The following NDUFA5 variants were observed in gnomAD, a reference collection of about 807,000 sequenced individuals.
NDUFA5 encodes NADH dehydrogenase [ubiquinone] 1 alpha subcomplex subunit 5.
A neutral mutation model predicts 19.8 loss-of-function variants in NDUFA5; 11 were observed. The ratio of observed to expected loss-of-function variants is 0.56; its 90% CI spans 0.35 to 0.92. The LOEUF (loss-of-function observed/expected upper bound fraction) is 0.92, where lower values mean the gene tolerates loss of function less well. Ranked by LOEUF, NDUFA5 falls within the 40% of genes least tolerant of loss-of-function variation. The pLI is 0.01. For synonymous variants in NDUFA5, 47 were observed against 46.8 expected (o/e 1.00, Z -0.01); for missense variants, 109 against 134.2 (o/e 0.81, Z 0.93).
chr7:123,591,296 T>A, the NDUFA5 span, among the ~76,000 whole-genome samples: 1 of 152,208 alleles, frequency 6.6e-6, no homozygotes, highest in Non-Finnish European at 1.5e-5. Context: ...TATATTTCTT[T>A]ATCTTGCCTG....
intron 4 of NDUFA5, among the ~76,000 whole-genome samples, chr7:123,544,764 TAAAAAAAAAAAAAA>T (rs61556029): frequency 1.6e-5 from 1 of 61,820 alleles, no homozygotes; most frequent in Non-Finnish European, 3.0e-5. Flanking sequence ...ATGCAAATCT[TAAAAAAAAAAAAAA>T]AAAAAAAAAA....
At position 123,540,944 on chromosome 7, in the gene NDUFA5, A is replaced by ACACACATAC. The variant is rs1797925901; in HGVS notation, c.*1174_*1175insGTATGTGTG. 1 of 152,212 alleles carries ACACACATAC rather than the reference A, an allele frequency of 6.6e-6. No individual in the cohort carries two copies. Among genetic ancestry groups the ACACACATAC allele is most frequent in the Non-Finnish European group, 1.5e-5 (1 of 68,312 alleles). The allele number at this position is 152,212 out of a possible 1,614,324, so 9.4% of individuals were successfully genotyped here. ...CACACACACACACACACGTATACAC[A>ACACACATAC]AAACCCCACAAGAGTATAGTACTAT... On this transcript the variant is annotated 3_prime_UTR_variant, in exon 5 of 5. Coordinates refer to ENST00000355749, the MANE Select transcript of NDUFA5 (RefSeq NM_005000.5).
At chr7:123,595,794 C>T in the NDUFA5 span, among the ~76,000 whole-genome samples, 3 of 152,150 alleles carry the variant, frequency 2.0e-5, no homozygotes, top group East Asian at 5.8e-4. Flanking sequence ...ATTTCCCACC[C>T]AAAGCCCCCT....
At chr7:123,590,715 T>C in the NDUFA5 span, among the ~76,000 whole-genome samples, 1 of 152,204 alleles carries the variant, frequency 6.6e-6, no homozygotes, top group Non-Finnish European at 1.5e-5. Context: ...CATAGTATAG[T>C]TCGATGTCAG....
At chr7:123,577,039 C>T in the NDUFA5 span, among the ~76,000 whole-genome samples, 34 of 152,138 alleles carry the variant, frequency 2.2e-4, no homozygotes, top group Admixed American at 9.8e-4. Flanking sequence ...AAATTATTCT[C>T]TTATTGATAT....
At chr7:123,552,971 A>ATACTTTCTC (rs1388770685) in intron 2 of NDUFA5, among the ~76,000 whole-genome samples, 1 of 152,178 alleles carries the variant, frequency 6.6e-6, no homozygotes, top group East Asian at 1.9e-4. Context: ...ATGTATTTTC[A>ATACTTTCTC]TACTTTCTCT....
chr7:123,593,559 G>C, the NDUFA5 span, among the ~76,000 whole-genome samples: 1 of 152,118 alleles, frequency 6.6e-6, no homozygotes, highest in African/African-American at 2.4e-5. Flanking sequence ...TGAAATTCTG[G>C]GTTGAAAATT....
At chr7:123,591,424 T>C in the NDUFA5 span, among the ~76,000 whole-genome samples, 1 of 152,184 alleles carries the variant, frequency 6.6e-6, no homozygotes, top group Admixed American at 6.5e-5. Flanking sequence ...TAGTAACATA[T>C]TGGCTGTGGG....
In NDUFA5 at chr7:123,538,916, T is replaced by G. The variant is rs548906897; in HGVS notation, c.*3203A>C. 4 of 152,380 alleles carry G rather than the reference T, an allele frequency of 2.6e-5. No homozygotes were observed. The highest frequency in any genetic ancestry group is 3.9e-4 in the East Asian group (2 of 5,194). 9.4% of individuals were successfully genotyped at this position (152,380 alleles called of 1,614,324 possible). ...ATTGTCATCTCCCTTTTAAAAAAGA[T>G]ACATTCATAAACATTGTTATTGGCT... On this transcript the variant is annotated 3_prime_UTR_variant, in exon 5 of 5. Transcript: ENST00000355749.
chr7:123,557,812 C>A lies in NDUFA5; in HGVS notation c.-17G>T. 1 of 1,614,140 alleles carries A rather than the reference C, an allele frequency of 6.2e-7. No homozygotes were observed. Among genetic ancestry groups the A allele is most frequent in the Non-Finnish European group, 8.5e-7 (1 of 1,180,020 alleles). On this transcript the variant is annotated 5_prime_UTR_variant, in exon 1 of 5. Transcript: ENST00000355749. ...ACCCGCCATGACAGCGCCAACGACT[C>A]GGTGACGCACAACCCTTTGGGAACA...
intron 3 of NDUFA5, among the ~76,000 whole-genome samples, chr7:123,547,555 A>C (rs1393854228): frequency 6.6e-6 from 1 of 152,176 alleles, no homozygotes; most frequent in African/African-American, 2.4e-5. Flanking sequence ...TACATAAAAA[A>C]CAGCTGAAAG....
At chr7:123,601,447 C>T in the NDUFA5 span, among the ~76,000 whole-genome samples, 1 of 152,064 alleles carries the variant, frequency 6.6e-6, no homozygotes, top group Non-Finnish European at 1.5e-5. Context: ...TGACCTGAAT[C>T]TGAAAGATGG....
the NDUFA5 span, among the ~76,000 whole-genome samples, chr7:123,590,315 CTTTAG>C: frequency 2.0e-4 from 31 of 152,274 alleles, no homozygotes; most frequent in South Asian, 6.4e-3. Context: ...TGCAGAAGCT[CTTTAG>C]TTTAATTAGA....
the NDUFA5 span, among the ~76,000 whole-genome samples, chr7:123,569,866 A>C: frequency 1.3e-5 from 2 of 152,188 alleles, no homozygotes; most frequent in Non-Finnish European, 2.9e-5. Flanking sequence ...GCAGAAGGGA[A>C]TTTGAATGTG....
chr7:123,554,928 C>G (rs1798486504), intron 2 of NDUFA5: 1 of 152,246 alleles, frequency 6.6e-6, no homozygotes, highest in South Asian at 2.1e-4. Context: ...GCAATCCACC[C>G]GCCTCAGCCT....
At chr7:123,565,890 G>C in the NDUFA5 span, among the ~76,000 whole-genome samples, 1 of 152,080 alleles carries the variant, frequency 6.6e-6, no homozygotes, top group East Asian at 1.9e-4. Flanking sequence ...GTGGTGGCAC[G>C]CACCTGTAGT....
At chr7:123,580,008 A>G in the NDUFA5 span, among the ~76,000 whole-genome samples, 1 of 152,054 alleles carries the variant, frequency 6.6e-6, no homozygotes, top group Non-Finnish European at 1.5e-5. Context: ...TACATAAATA[A>G]TTACTATGTA....
At chr7:123,593,361 C>T in the NDUFA5 span, among the ~76,000 whole-genome samples, 44 of 152,066 alleles carry the variant, frequency 2.9e-4, no homozygotes, top group African/African-American at 1.1e-3. Flanking sequence ...AGTTTCTTCA[C>T]AGCCTCGATG....
At chr7:123,588,559 CT>C in the NDUFA5 span, among the ~76,000 whole-genome samples, 1 of 148,850 alleles carries the variant, frequency 6.7e-6, no homozygotes, top group African/African-American at 2.5e-5. Flanking sequence ...TTCTTTCCTT[CT>C]TCCTTCCTTC....
Sources: gnomAD v4.1 joint callset for allele counts (sites outside exome capture counted in the v4.1 genomes callset) on GRCh38, gnomAD v4.1.1 for gene constraint, MANE v1.5 for transcripts, NCBI Gene and HGNC (gene_info 2026-07-23, HGNC 2026-07-21) for gene names.